The following CNTN5 variants were observed in gnomAD, a reference collection of about 807,000 sequenced individuals.
The protein encoded by CNTN5 is contactin-5.
A neutral mutation model predicts 129.1 loss-of-function variants in CNTN5; 77 were observed. That is an observed-to-expected ratio of 0.60 (90% CI 0.50 to 0.72). The LOEUF (loss-of-function observed/expected upper bound fraction) is 0.72. Among genes scored for constraint, CNTN5 ranks in the 30% least tolerant of loss-of-function variants. The pLI is 0.00. For missense variants in CNTN5, 1,478 were observed against 1,328.8 expected (o/e 1.11, Z -1.75); for synonymous variants, 509 against 465.6 (o/e 1.09, Z -1.20).
At chr11:99,468,165 G>C (rs1252056785) in intron 2 of CNTN5, among the ~76,000 whole-genome samples, 1 of 152,124 alleles carries the variant, frequency 6.6e-6, no homozygotes, top group Non-Finnish European at 1.5e-5. Context: ...TGCATGTTGG[G>C]TGAACTCCCT....
intron 2 of CNTN5, among the ~76,000 whole-genome samples, chr11:99,371,180 A>G (rs943848507): frequency 2.0e-5 from 3 of 152,194 alleles, no homozygotes; most frequent in Admixed American, 1.3e-4. Context: ...TGAAAGAGGT[A>G]AGAAAAGTTA....
chr11:99,998,171 A>G (rs1256295220), intron 8 of CNTN5, among the ~76,000 whole-genome samples: 1 of 151,844 alleles, frequency 6.6e-6, no homozygotes, highest in South Asian at 2.1e-4. Flanking sequence ...CAGGCAGGAG[A>G]AGGGAATAAA....
intron 3 of CNTN5, among the ~76,000 whole-genome samples, chr11:99,666,310 C>T (rs980896575): frequency 6.6e-6 from 1 of 152,134 alleles, no homozygotes; most frequent in East Asian, 1.9e-4. Flanking sequence ...TCCCAGTCTA[C>T]AACAGAAAGT....
chr11:99,945,700 T>G (rs926979719), intron 7 of CNTN5, among the ~76,000 whole-genome samples: 1 of 152,046 alleles, frequency 6.6e-6, no homozygotes, highest in Non-Finnish European at 1.5e-5. Flanking sequence ...ACTGCAAAGC[T>G]GCTAGGTGAT....
At chr11:100,241,834 A>G (rs1054630402) in intron 16 of CNTN5, among the ~76,000 whole-genome samples, 1 of 152,228 alleles carries the variant, frequency 6.6e-6, no homozygotes. Flanking sequence ...AACCATGCTG[A>G]CAGAATCTAC....
At chr11:99,411,309 G>A (rs911689440) in intron 2 of CNTN5, among the ~76,000 whole-genome samples, 2 of 152,028 alleles carry the variant, frequency 1.3e-5, no homozygotes, top group African/African-American at 4.8e-5. Context: ...CAGATTGCTT[G>A]AGCCCAGGAG....
At chr11:99,625,771 A>G (rs1196403203) in intron 3 of CNTN5, among the ~76,000 whole-genome samples, 1 of 91,062 alleles carries the variant, frequency 1.1e-5, no homozygotes, top group Non-Finnish European at 2.8e-5. Flanking sequence ...ATATTCAATT[A>G]AAAAGATATT....
intron 3 of CNTN5, among the ~76,000 whole-genome samples, chr11:99,766,440 A>G (rs1944757492): frequency 6.6e-6 from 1 of 152,072 alleles, no homozygotes; most frequent in Non-Finnish European, 1.5e-5. Context: ...GATGGTAACA[A>G]CAGTGCTATA....
intron 15 of CNTN5, among the ~76,000 whole-genome samples, chr11:100,214,575 G>T (rs1178920351): frequency 6.6e-6 from 1 of 152,146 alleles, no homozygotes; most frequent in East Asian, 1.9e-4. Context: ...TACGTGGAAG[G>T]TCACCTTTTC....
chr11:100,127,095 A>ATTTTTTTTTTTTTTTTTTT (rs5794039), intron 13 of CNTN5, among the ~76,000 whole-genome samples: 2 of 85,610 alleles, frequency 2.3e-5, no homozygotes. Flanking sequence ...TGCGCAGCTA[A>ATTTTTTTTTTTTTTTTTTT]TTTTTTTTTT....
rs1163600595 is a variant in CNTN5, at chr11:100,035,304, A to AT, written c.981-25901dup. ...TCCCTACAAAGGACATGAACTCATC[A>AT]TTTTTTTATGGCTGCATAGTATTCC... On this transcript the variant is annotated intron_variant, in intron 9 of 24. Coordinates refer to ENST00000524871, the MANE Select transcript of CNTN5 (RefSeq NM_014361.4). Among the ~76,000 whole-genome samples the AT allele has an allele frequency of 4.3e-3, 634 of 146,242 alleles. 9 individuals are homozygous for AT. The highest frequency in any genetic ancestry group is 0.013 in the African/African-American group (479 of 36,428).
At chr11:100,350,654 A>G (rs1952387707) in intron 23 of CNTN5, 48 bp from the exon 24 acceptor site, 2 of 1,438,020 alleles carry the variant, frequency 1.4e-6, no homozygotes, top group African/African-American at 2.8e-5. Context: ...GTCAATGTGC[A>G]TTTGTAATCT....
At chr11:99,111,007 C>T (rs1294896216) in intron 1 of CNTN5, among the ~76,000 whole-genome samples, 2 of 151,928 alleles carry the variant, frequency 1.3e-5, no homozygotes, top group African/African-American at 2.4e-5. Context: ...TTGTTTTATT[C>T]ATTAGGAAAC....
chr11:100,139,192 G>C (rs1451068132), intron 13 of CNTN5, among the ~76,000 whole-genome samples: 1 of 152,234 alleles, frequency 6.6e-6, no homozygotes, highest in African/African-American at 2.4e-5. Context: ...TGTAGTCACA[G>C]GGCAGAGATA....
intron 3 of CNTN5, among the ~76,000 whole-genome samples, chr11:99,582,845 A>G (rs951207904): frequency 1.2e-4 from 19 of 152,122 alleles, no homozygotes; most frequent in Admixed American, 5.9e-4. Context: ...TTCCCTGTCC[A>G]GCTTTGTTCC....
chr11:100,082,116 A>G (rs192521965), intron 13 of CNTN5, among the ~76,000 whole-genome samples: 1 of 149,262 alleles, frequency 6.7e-6, no homozygotes, highest in Non-Finnish European at 1.5e-5. Context: ...ATACAAAAAA[A>G]TTGTGTGTGT....
At chr11:100,043,258 T>C (rs1314223787) in intron 9 of CNTN5, among the ~76,000 whole-genome samples, 5 of 152,332 alleles carry the variant, frequency 3.3e-5, no homozygotes, top group Non-Finnish European at 2.9e-5. Context: ...ACTATATAAA[T>C]GCATATGGCA....
At chr11:100,137,878 G>C (rs1050319487) in intron 13 of CNTN5, among the ~76,000 whole-genome samples, 1 of 152,130 alleles carries the variant, frequency 6.6e-6, no homozygotes, top group African/African-American at 2.4e-5. Flanking sequence ...ACAGTGTAAA[G>C]GGTGGTTTTG....
chr11:99,838,709 G>C (rs1947381826), intron 4 of CNTN5, among the ~76,000 whole-genome samples: 1 of 152,118 alleles, frequency 6.6e-6, no homozygotes, highest in African/African-American at 2.4e-5. Flanking sequence ...GCTGCCTTTT[G>C]GCCAAGCCAG....
Sources: gnomAD v4.1 joint callset for allele counts (sites outside exome capture counted in the v4.1 genomes callset) on GRCh38, gnomAD v4.1.1 for gene constraint, MANE v1.5 for transcripts, NCBI Gene and HGNC (gene_info 2026-07-23, HGNC 2026-07-21) for gene names.